SLC12A1: variants seen among roughly 807,000 people sequenced by gnomAD.
The protein encoded by SLC12A1 is solute carrier family 12 member 1.
Under a neutral mutation model 130.4 loss-of-function variants are expected in SLC12A1, and 89 were observed. The ratio of observed to expected loss-of-function variants is 0.68; its 90% confidence interval spans 0.58 to 0.81. The LOEUF (loss-of-function observed/expected upper bound fraction) is 0.81. Among genes scored for constraint, SLC12A1 ranks in the 40% least tolerant of loss-of-function variants. The pLI is 0.00. For synonymous variants in SLC12A1, 499 were observed against 460.0 expected (o/e 1.08, Z -1.09); for missense variants, 1,310 against 1,336.4 (o/e 0.98, Z 0.31).
chr15:48,215,305 G>T (rs567941789), intron 2 of SLC12A1, among the ~76,000 whole-genome samples: 34 of 152,116 alleles, frequency 2.2e-4, no homozygotes, highest in African/African-American at 8.0e-4. Flanking sequence ...TTGGAGTGGG[G>T]ATAATCTGTT....
chr15:48,240,533 A>G (rs542281437), intron 9 of SLC12A1, among the ~76,000 whole-genome samples: 25 of 152,236 alleles, frequency 1.6e-4, no homozygotes, highest in African/African-American at 9.6e-5. Flanking sequence ...CATTTTCACT[A>G]TGCATGACCT....
In SLC12A1 at chr15:48,267,678, G is replaced by C. The variant is rs1356365433; in HGVS notation, c.2272G>C (p.Asp758His). 16 of 1,613,472 alleles carry C rather than the reference G, an allele frequency of 9.9e-6. No homozygotes were observed. The highest frequency in any genetic ancestry group is 1.4e-5 in the Non-Finnish European group (16 of 1,179,526). ...YAAVAADCFR[D>H]GVRSLLQASG... The stretch of plus-strand genomic sequence containing the variant: ...TGCAGTGGCGGCAGACTGTTTCAGG[G>C]ATGGTGTCCGAAGTCTTCTTCAGGT... Residue 758 changes from aspartate to histidine, a missense_variant, in exon 18 of 27, where the codon GAT becomes CAT. By Grantham distance (81) the Asp-to-His change is moderately conservative (BLOSUM62 -1). Coordinates refer to ENST00000380993, the MANE Select transcript of SLC12A1 (RefSeq NM_000338.3).
intron 2 of SLC12A1, among the ~76,000 whole-genome samples, chr15:48,216,998 C>T (rs1473571948): frequency 6.6e-6 from 1 of 152,036 alleles, no homozygotes; most frequent in Admixed American, 6.6e-5. Flanking sequence ...ATGGCTAGTC[C>T]AAATTGAGAT....
chr15:48,220,152 T>TAGAC (rs2041189493), intron 2 of SLC12A1, among the ~76,000 whole-genome samples: 1 of 147,116 alleles, frequency 6.8e-6, no homozygotes, highest in Non-Finnish European at 1.5e-5. Flanking sequence ...GATAGATAGA[T>TAGAC]AGATAGATAG....
chr15:48,264,733 T>TAAAA (rs886508092), intron 17 of SLC12A1, among the ~76,000 whole-genome samples: 1 of 151,784 alleles, frequency 6.6e-6, no homozygotes, highest in African/African-American at 2.4e-5. Context: ...CTTTCAATGT[T>TAAAA]AAAAAAAAGA....
chr15:48,302,221 C>G (rs1186478050), intron 26 of SLC12A1, among the ~76,000 whole-genome samples: 1 of 152,124 alleles, frequency 6.6e-6, no homozygotes, highest in Non-Finnish European at 1.5e-5. Flanking sequence ...TTTACAATAC[C>G]TAAGCCTGTT....
At chr15:48,213,562 G>A (rs895723963) in intron 2 of SLC12A1, among the ~76,000 whole-genome samples, 8 of 148,444 alleles carry the variant, frequency 5.4e-5, no homozygotes, top group Non-Finnish European at 8.9e-5. Flanking sequence ...AGAGTGCCGC[G>A]GCGCAATCTT....
At chr15:48,284,972 T>C (rs1173154369) in intron 20 of SLC12A1, 134 bp from the exon 21 acceptor site, 1 of 600,940 alleles carries the variant, frequency 1.7e-6, no homozygotes, top group Non-Finnish European at 2.6e-6. Context: ...ATAAAAATCA[T>C]TTAGAAAAAA....
In SLC12A1 at chr15:48,235,230, G is replaced by A. The variant is rs924577036; in HGVS notation, c.1215+226G>A. 6.9e-6 allele frequency: 4 copies of A among 581,328 alleles called. No individual in the cohort carries two copies. The Admixed American group carries it at 1.1e-4, about 16-fold the overall frequency. The allele number at this position is 581,328 out of a possible 1,614,324, so 36.0% of individuals were successfully genotyped here. A position where few individuals can be genotyped will look rare whatever the true frequency, so the allele number is the denominator to read the frequency against. ...TTATTCAGTGATATCAGAAGAACAG[G>A]GTAGTGTGATAGTGTGTCATATTTC... On this transcript the variant is annotated intron_variant, in intron 9 of 26. Transcript: ENST00000380993.
At chr15:48,224,076 T>A (rs895002000) in intron 4 of SLC12A1, 1 of 152,456 alleles carries the variant, frequency 6.6e-6, no homozygotes, top group African/African-American at 2.4e-5. Context: ...TCACAGCCTC[T>A]CGTGGCTGAC....
intron 16 of SLC12A1, 36 bp downstream of exon 16, chr15:48,255,946 C>T (rs2041702838): frequency 8.3e-6 from 11 of 1,329,346 alleles, no homozygotes; most frequent in Non-Finnish European, 9.6e-6. Context: ...GGTGTTTTTC[C>T]ACCCTAGAAG....
intron 18 of SLC12A1, among the ~76,000 whole-genome samples, chr15:48,268,418 G>C (rs2041857220): frequency 6.6e-6 from 1 of 152,058 alleles, no homozygotes. Context: ...TAATATGGTT[G>C]AAAACCCTAA....
intron 3 of SLC12A1, 63 bp downstream of exon 3, chr15:48,220,828 T>C (rs1205722067): frequency 2.5e-6 from 4 of 1,611,712 alleles, no homozygotes; most frequent in African/African-American, 1.3e-5. Flanking sequence ...GGATTAAGAG[T>C]GAACAAGGCC....
intron 13 of SLC12A1, 42 bp downstream of exon 13, chr15:48,247,502 C>T: frequency 1.4e-6 from 2 of 1,464,554 alleles, no homozygotes; most frequent in South Asian, 1.2e-5. Flanking sequence ...CCAAAGAATT[C>T]TTCTGATTAT....
chr15:48,302,444 C>A (rs373399271), intron 26 of SLC12A1, among the ~76,000 whole-genome samples: 211 of 151,160 alleles, frequency 1.4e-3, no homozygotes, highest in African/African-American at 4.7e-3. Flanking sequence ...CAAGGTGAAA[C>A]CCCGTCTCTA....
chr15:48,241,632 G>A (rs776625878), intron 10 of SLC12A1, 33 bp downstream of exon 10: 1 of 1,457,808 alleles, frequency 6.9e-7, no homozygotes, highest in Non-Finnish European at 9.6e-7. Context: ...CAGAATGTCA[G>A]AATTACGAGG....
chr15:48,212,158 C>G (rs1014818649), intron 2 of SLC12A1, among the ~76,000 whole-genome samples: 11 of 152,020 alleles, frequency 7.2e-5, no homozygotes, highest in African/African-American at 2.4e-4. Context: ...AATTTTTATA[C>G]TAGCTTTTTA....
chr15:48,234,023 G>A (rs565152472), intron 8 of SLC12A1, among the ~76,000 whole-genome samples: 1 of 152,194 alleles, frequency 6.6e-6, no homozygotes, highest in African/African-American at 2.4e-5. Flanking sequence ...TGAGGATTTG[G>A]TATAAGCAGC....
At chr15:48,297,145 A>G (rs1322589570) in intron 24 of SLC12A1, among the ~76,000 whole-genome samples, 1 of 152,134 alleles carries the variant, frequency 6.6e-6, no homozygotes. Context: ...TTTTAATAAA[A>G]TCATCTATCA....
Sources: allele counts gnomAD v4.1 joint callset (sites outside exome capture counted in the v4.1 genomes callset), GRCh38; gene constraint gnomAD v4.1.1; transcripts MANE v1.5; gene names NCBI Gene and HGNC (gene_info 2026-07-23, HGNC 2026-07-21).